The following RPS6KC1 variants were observed in gnomAD, a reference collection of about 807,000 sequenced individuals.
RPS6KC1 encodes inactive ribosomal protein S6 kinase delta-1.
Under a neutral mutation model 103.8 loss-of-function variants are expected in RPS6KC1, and 54 were observed. That is an observed-to-expected ratio of 0.52 (90% CI 0.42 to 0.65). The LOEUF (loss-of-function observed/expected upper bound fraction) is 0.65. Ranked by LOEUF, RPS6KC1 falls within the 30% of genes least tolerant of loss-of-function variation. The probability of loss-of-function intolerance (pLI) is 0.00; values close to 1 mark genes in which losing one functional copy is unlikely to be tolerated. For synonymous variants in RPS6KC1, 439 were observed against 438.7 expected (o/e 1.00, Z -0.01); for missense variants, 1,151 against 1,253.8 (o/e 0.92, Z 1.24).
chr1:213,830,044 A>G, the RPS6KC1 span, among the ~76,000 whole-genome samples: 4 of 152,130 alleles, frequency 2.6e-5, no homozygotes, highest in Non-Finnish European at 5.9e-5. Flanking sequence ...TTAACCTTCT[A>G]ACTGCTGGTC....
chr1:213,628,183 T>C, the RPS6KC1 span, among the ~76,000 whole-genome samples: 2 of 152,240 alleles, frequency 1.3e-5, no homozygotes, highest in Non-Finnish European at 2.9e-5. Flanking sequence ...TATCCATTTG[T>C]TCTAGATTTT....
chr1:213,303,212 C>G, the RPS6KC1 span, among the ~76,000 whole-genome samples: 1 of 152,160 alleles, frequency 6.6e-6, no homozygotes, highest in East Asian at 1.9e-4. Flanking sequence ...AGAAAGGGAT[C>G]TCCAAGTCAG....
At chr1:213,124,021 A>G (rs1329777059) in intron 5 of RPS6KC1, among the ~76,000 whole-genome samples, 3 of 152,126 alleles carry the variant, frequency 2.0e-5, no homozygotes, top group Admixed American at 6.6e-5. Context: ...AGATTTCACT[A>G]TACTGCCCTA....
At chr1:213,511,088 T>C in the RPS6KC1 span, among the ~76,000 whole-genome samples, 22 of 152,128 alleles carry the variant, frequency 1.4e-4, no homozygotes, top group Admixed American at 7.9e-4. Flanking sequence ...AAAGGAATAA[T>C]TTAGAAAATG....
the RPS6KC1 span, among the ~76,000 whole-genome samples, chr1:213,850,755 T>C: frequency 2.0e-5 from 3 of 151,760 alleles, no homozygotes; most frequent in African/African-American, 4.8e-5. Flanking sequence ...TGGACACTGG[T>C]GATTCCAGCC....
At chr1:213,467,532 C>G in the RPS6KC1 span, among the ~76,000 whole-genome samples, 1 of 152,194 alleles carries the variant, frequency 6.6e-6, no homozygotes, top group African/African-American at 2.4e-5. Flanking sequence ...AGTGACCAAT[C>G]TAGATGGGGT....
chr1:213,768,661 A>G, the RPS6KC1 span, among the ~76,000 whole-genome samples: 1 of 152,202 alleles, frequency 6.6e-6, no homozygotes, highest in African/African-American at 2.4e-5. Flanking sequence ...CCTTTAAATT[A>G]TTTTCCATTT....
chr1:213,104,568 A>G lies in RPS6KC1; in HGVS notation c.377A>G (p.Lys126Arg), dbSNP rs750046943. The stretch of plus-strand genomic sequence containing the variant: ...AGTAAACAGCTTGAAGACTTTTTCA[A>G]GGTTTGGTAGTCTTTCTGGAATATT... Reference protein sequence around the residue: ...YNSKQLEDFFKGGIINDSSEL... With the variant: ...YNSKQLEDFFRGGIINDSSEL... The change falls in exon 4 of 15, where the codon AAG becomes AGG. Residue 126 changes from lysine to arginine, a missense_variant and splice_region_variant. Physicochemically the swap from Lys to Arg is conservative, Grantham distance 26. This residue lies in a region of RPS6KC1 where 959 missense variants were observed against 1,006.3 expected (regional missense o/e 0.95). Transcript: ENST00000366960. The G allele has an allele frequency of 2.0e-5, 30 of 1,504,578 alleles. No individual in the cohort carries two copies. The highest frequency in any genetic ancestry group is 2.6e-5 in the Non-Finnish European group (28 of 1,091,106). 93.2% of individuals were successfully genotyped at this position (1,504,578 alleles called of 1,614,324 possible).
At chr1:213,231,062 G>A (rs1269474047) in intron 9 of RPS6KC1, among the ~76,000 whole-genome samples, 4 of 152,044 alleles carry the variant, frequency 2.6e-5, no homozygotes, top group Non-Finnish European at 2.9e-5. Flanking sequence ...ACGGTTGATA[G>A]CATGCATTTA....
At chr1:213,478,684 C>A in the RPS6KC1 span, among the ~76,000 whole-genome samples, 1 of 152,116 alleles carries the variant, frequency 6.6e-6, no homozygotes, top group Non-Finnish European at 1.5e-5. Context: ...CTGCTCAGAT[C>A]TTTTGCCCAT....
At chr1:213,121,384 CAA>C (rs780323617) in intron 5 of RPS6KC1, among the ~76,000 whole-genome samples, 1 of 152,062 alleles carries the variant, frequency 6.6e-6, no homozygotes, top group African/African-American at 2.4e-5. Flanking sequence ...GGTTTTTAAA[CAA>C]AATATTGTTT....
the RPS6KC1 span, among the ~76,000 whole-genome samples, chr1:213,767,417 T>C: frequency 6.6e-6 from 1 of 152,182 alleles, no homozygotes; most frequent in African/African-American, 2.4e-5. Flanking sequence ...TCTGCTGTCT[T>C]CTTGAAATAC....
At chr1:213,266,764 G>A (rs1573718189) in intron 14 of RPS6KC1, among the ~76,000 whole-genome samples, 1 of 151,948 alleles carries the variant, frequency 6.6e-6, no homozygotes, top group Non-Finnish European at 1.5e-5. Flanking sequence ...TTAGTCGGTC[G>A]TGGTGGTGGG....
intron 10 of RPS6KC1, among the ~76,000 whole-genome samples, chr1:213,234,983 C>T (rs1158581867): frequency 6.6e-6 from 1 of 152,180 alleles, no homozygotes; most frequent in Non-Finnish European, 1.5e-5. Flanking sequence ...TTGAGCAATG[C>T]AGTGAACTGG....
rs1480210937 is a variant in RPS6KC1, at chr1:213,196,694, A to G, written c.1044+20202A>G. ...GATGAGGATCTGGTTTCATTCTTCT[A>G]CATGTGGTTTGTCAATTATCCCAGC... On this transcript the variant is annotated intron_variant, in intron 8 of 14. Transcript: ENST00000366960. Among the ~76,000 whole-genome samples the G allele has an allele frequency of 4.6e-5, 7 of 152,124 alleles. 1 individual carries two copies. Among genetic ancestry groups the G allele is most frequent in the Non-Finnish European group, 2.9e-5 (2 of 68,036 alleles).
At chr1:213,066,089 G>A (rs914160071) in intron 1 of RPS6KC1, among the ~76,000 whole-genome samples, 8 of 152,136 alleles carry the variant, frequency 5.3e-5, no homozygotes, top group South Asian at 2.1e-4. Context: ...AAAATTCTTC[G>A]CAAATGTAAA....
At chr1:213,632,047 T>C in the RPS6KC1 span, among the ~76,000 whole-genome samples, 2 of 152,210 alleles carry the variant, frequency 1.3e-5, no homozygotes, top group African/African-American at 2.4e-5. Context: ...TTCAGCATAA[T>C]GCTTTTGAGA....
In RPS6KC1 at chr1:213,240,689, T is replaced by C; in HGVS notation, c.1226-13T>C. On this transcript the variant is annotated splice_polypyrimidine_tract_variant and intron_variant, in intron 10 of 14. Transcript: ENST00000366960. ...CTTAATACTTTTGTTTGTTTTGTTA[T>C]ACTTGTTCACAGGTGGCAAACTGTG... 2.5e-6 allele frequency: 4 copies of C among 1,586,840 alleles called. No homozygotes were observed. The highest frequency in any genetic ancestry group is 3.4e-6 in the Non-Finnish European group (4 of 1,167,190).
At chr1:213,297,951 T>A in the RPS6KC1 span, among the ~76,000 whole-genome samples, 1 of 152,218 alleles carries the variant, frequency 6.6e-6, no homozygotes, top group Non-Finnish European at 1.5e-5. Context: ...TTCCCATTCT[T>A]CTTCATTAAC....
Sources: allele counts gnomAD v4.1 joint callset (sites outside exome capture counted in the v4.1 genomes callset), GRCh38; gene constraint gnomAD v4.1.1; regional missense constraint gnomAD v4.1.1; transcripts MANE v1.5; gene names NCBI Gene and HGNC (gene_info 2026-07-23, HGNC 2026-07-21).